Variants in CD1B observed in about 807,000 individuals in gnomAD.
The protein encoded by CD1B is T-cell surface glycoprotein CD1b.
Under a neutral mutation model 39.8 loss-of-function variants are expected in CD1B, and 43 were observed. That is an observed-to-expected ratio of 1.08 (90% CI 0.85 to 1.39). The LOEUF is 1.39. CD1B is among the 40% of genes most tolerant of loss of function. CD1B has a pLI of 0.00. For missense variants in CD1B, 495 were observed against 403.8 expected (o/e 1.23, Z -1.94); for synonymous variants, 192 against 152.5 (o/e 1.26, Z -1.91).
chr1:158,304,550 C>T, the CD1B span, among the ~76,000 whole-genome samples: 1 of 152,328 alleles, frequency 6.6e-6, no homozygotes, highest in Admixed American at 6.5e-5. Context: ...GAATCCTCTG[C>T]AGACTTAAAT....
the CD1B span, among the ~76,000 whole-genome samples, chr1:158,322,631 AT>A: frequency 2.0e-4 from 31 of 151,414 alleles, no homozygotes; most frequent in Middle Eastern, 3.4e-3. Flanking sequence ...ACACATTAGC[AT>A]TTTTTTTCTT....
Position 158,331,526 on chromosome 1 carries a change from A to G in CD1B, c.-103T>C, listed in dbSNP as rs940320780. ...CTGTAGTGACTTCTTCTCTCTTCCA[A>G]CTGCCAAATCTCTTCCTCATCCAAA... On this transcript the variant is annotated 5_prime_UTR_variant, in exon 1 of 6. Transcript: ENST00000368168. The G allele has an allele frequency of 4.3e-6, 4 of 922,250 alleles. No homozygotes were observed. The highest frequency in any genetic ancestry group is 1.5e-5 in the South Asian group (1 of 68,440). 57.1% of individuals were successfully genotyped at this position (922,250 alleles called of 1,614,324 possible). A position where few individuals can be genotyped will look rare whatever the true frequency, so the allele number is the denominator to read the frequency against.
chr1:158,300,428 A>T, the CD1B span, among the ~76,000 whole-genome samples: 1 of 152,052 alleles, frequency 6.6e-6, no homozygotes, highest in South Asian at 2.1e-4. Context: ...AATAAGTATG[A>T]TGTGGTGCTG....
chr1:158,322,255 A>T, the CD1B span, among the ~76,000 whole-genome samples: 1 of 152,016 alleles, frequency 6.6e-6, no homozygotes, highest in Admixed American at 6.6e-5. Context: ...CATTTATTTA[A>T]AGGCAGGGTC....
downstream of CD1B, among the ~76,000 whole-genome samples, chr1:158,323,088 C>T (rs1652243257): frequency 1.3e-5 from 2 of 152,006 alleles, no homozygotes; most frequent in South Asian, 2.1e-4. Context: ...CGTCTATTTC[C>T]TTGTCTTTTT....
At chr1:158,321,793 T>C in the CD1B span, among the ~76,000 whole-genome samples, 1 of 152,200 alleles carries the variant, frequency 6.6e-6, no homozygotes, top group African/African-American at 2.4e-5. Flanking sequence ...GGGGTACATG[T>C]GCAGGATGTA....
At chr1:158,315,145 G>A in the CD1B span, among the ~76,000 whole-genome samples, 1 of 152,050 alleles carries the variant, frequency 6.6e-6, no homozygotes, top group Non-Finnish European at 1.5e-5. Flanking sequence ...ATAGCAGCAT[G>A]ATTTATAATC....
chr1:158,293,800 A>G, the CD1B span, among the ~76,000 whole-genome samples: 2 of 152,082 alleles, frequency 1.3e-5, no homozygotes, highest in South Asian at 4.2e-4. Context: ...TGAGTCTTTC[A>G]TTTCACATTT....
chr1:158,328,930 A>G lies in CD1B; in HGVS notation c.971T>C (p.Met324Thr). 1.2e-6 allele frequency: 2 copies of G among 1,610,956 alleles called. No individual in the cohort carries two copies. Among genetic ancestry groups the G allele is most frequent in the South Asian group, 2.2e-5 (2 of 90,520 alleles). Residue 324 changes from methionine (M) to threonine (T), a missense_variant, in exon 5 of 6, where the codon ATG (methionine) becomes ACG (threonine). By Grantham distance (81) the Met-to-Thr change is moderately conservative. Coordinates refer to ENST00000368168, the MANE Select transcript of CD1B (RefSeq NM_001764.3). Reference protein sequence around the residue: ...LLLLCLALWYMRRRSYQNIP With the variant: ...LLLLCLALWYTRRRSYQNIP Reference sequence around the variant, plus strand: ...ACCACCCACAACTCACCGGCGCCTCATATACCATAATGCAAGGCATAGCAA... The same window carrying G: ...ACCACCCACAACTCACCGGCGCCTCGTATACCATAATGCAAGGCATAGCAA...
At chr1:158,313,767 T>C in the CD1B span, among the ~76,000 whole-genome samples, 1,513 of 152,302 alleles carry the variant, frequency 9.9e-3, 23 homozygotes, top group African/African-American at 0.035. Context: ...AAATATTTGG[T>C]AGAATTCAGC....
chr1:158,317,236 G>A, the CD1B span, among the ~76,000 whole-genome samples: 1 of 151,944 alleles, frequency 6.6e-6, no homozygotes, highest in Non-Finnish European at 1.5e-5. Context: ...CAGAAGGAAT[G>A]GTACCAGTTC....
the CD1B span, chr1:158,293,298 C>G: frequency 6.2e-7 from 1 of 1,613,062 alleles, no homozygotes; most frequent in Non-Finnish European, 8.5e-7. Flanking sequence ...GTTTAAGAAG[C>G]ACTGGTGAGT....
chr1:158,320,654 T>C, the CD1B span, among the ~76,000 whole-genome samples: 2 of 152,096 alleles, frequency 1.3e-5, no homozygotes, highest in Non-Finnish European at 2.9e-5. Flanking sequence ...AGACCGGAGC[T>C]CTTCCTATTT....
rs1356254386 is a variant in CD1B, at chr1:158,329,428, G to A, written c.828C>T (p.Gly276=). ...TLDVADGEAA[G]LSCRVKHSSL... ...TGCTGTGCTTCACCCGACAGGACAG[G>A]CCAGCCGCCTCCCCATCTGCCACAT... Residue 276 remains glycine, a synonymous_variant, in exon 4 of 6, where the codon GGC becomes GGT. Transcript: ENST00000368168. The A allele has an allele frequency of 6.2e-7, 1 of 1,614,134 alleles. No homozygotes were observed. Among genetic ancestry groups the A allele is most frequent in the Admixed American group, 1.7e-5 (1 of 60,010 alleles).
the CD1B span, chr1:158,293,321 C>T: frequency 2.5e-5 from 40 of 1,599,540 alleles, no homozygotes; most frequent in South Asian, 4.3e-4. Context: ...TTTGTATTTC[C>T]TCCTCTCCTC....
chr1:158,330,903 C>G lies in CD1B; in HGVS notation c.221G>C (p.Gly74Ala). The G allele has an allele frequency of 6.2e-7, 1 of 1,613,858 alleles. No homozygotes were observed. Among genetic ancestry groups the G allele is most frequent in the Non-Finnish European group, 8.5e-7 (1 of 1,179,740 alleles). Residue 74 changes from glycine (G) to alanine (A), a missense_variant, in exon 2 of 6, where the codon GGT (glycine) becomes GCT (alanine). Transcript: ENST00000368168. ...AGCAACCTCCTTATCACTAAAGTTA[C>G]CTTTAGACCAAGGCTTCAGGAATAT... is the stretch of plus-strand genomic sequence containing the variant. ...TAIFLKPWSK[G>A]NFSDKEVAEL...
At chr1:158,302,205 A>C in the CD1B span, among the ~76,000 whole-genome samples, 223 of 152,360 alleles carry the variant, frequency 1.5e-3, no homozygotes, top group Middle Eastern at 6.8e-3. Context: ...TTTTGGGTAA[A>C]CAACGAAGTC....
At chr1:158,293,251 T>C in the CD1B span, 2 of 1,614,042 alleles carry the variant, frequency 1.2e-6, no homozygotes, top group East Asian at 2.2e-5. Flanking sequence ...TTGGTAGTGA[T>C]AGTGCCCTTG....
At chr1:158,319,037 T>G in the CD1B span, among the ~76,000 whole-genome samples, 5 of 151,956 alleles carry the variant, frequency 3.3e-5, no homozygotes, top group African/African-American at 1.2e-4. Flanking sequence ...AGATCCGCTG[T>G]TAGTCTGATG....
Sources: allele counts gnomAD v4.1 joint callset (sites outside exome capture counted in the v4.1 genomes callset), GRCh38; gene constraint gnomAD v4.1.1; transcripts MANE v1.5; gene names NCBI Gene and HGNC (gene_info 2026-07-23, HGNC 2026-07-21).